Variants in MIPOL1 observed in about 807,000 individuals in gnomAD.
MIPOL1 encodes the protein mirror-image polydactyly gene 1 protein.
MIPOL1 carries 57 observed loss-of-function variants against 60.9 expected under a neutral mutation model. The observed-to-expected ratio is 0.94, with a 90% CI of 0.76 to 1.17. MIPOL1 has a LOEUF of 1.17. Among genes scored for constraint, MIPOL1 ranks in the 50% most tolerant of loss-of-function variants. The pLI, the probability that MIPOL1 is intolerant of heterozygous loss-of-function variation, is 0.00. For missense variants in MIPOL1, 551 were observed against 511.6 expected (o/e 1.08, Z -0.74); for synonymous variants, 179 against 168.8 (o/e 1.06, Z -0.47).
chr14:37,446,378 C>A (rs1481962249), intron 11 of MIPOL1, among the ~76,000 whole-genome samples: 1 of 152,090 alleles, frequency 6.6e-6, no homozygotes, highest in Non-Finnish European at 1.5e-5. Flanking sequence ...AGTGAGATAC[C>A]ATCTCACACC....
intron 6 of MIPOL1, 24 bp from the exon 7 acceptor site, chr14:37,285,294 T>C: frequency 6.2e-7 from 1 of 1,613,130 alleles, no homozygotes; most frequent in South Asian, 1.1e-5. Flanking sequence ...TATGATTGAT[T>C]GTGCGCTTTA....
At chr14:37,467,880 G>A (rs980958804) in intron 11 of MIPOL1, among the ~76,000 whole-genome samples, 1 of 151,492 alleles carries the variant, frequency 6.6e-6, no homozygotes, top group African/African-American at 2.4e-5. Flanking sequence ...ATGGTGAAAA[G>A]CCGTCTCTAC....
intron 9 of MIPOL1, among the ~76,000 whole-genome samples, chr14:37,363,928 G>T (rs1366859352): frequency 6.6e-6 from 1 of 152,204 alleles, no homozygotes; most frequent in Non-Finnish European, 1.5e-5. Flanking sequence ...GTGGGCATGT[G>T]ACCCCCCGAG....
At chr14:37,374,892 T>G (rs574554982) in intron 10 of MIPOL1, among the ~76,000 whole-genome samples, 1 of 152,354 alleles carries the variant, frequency 6.6e-6, no homozygotes, top group East Asian at 1.9e-4. Context: ...ATATGAAATT[T>G]AAAGTAGCTT....
intron 10 of MIPOL1, among the ~76,000 whole-genome samples, chr14:37,397,870 G>A (rs2093406293): frequency 6.6e-6 from 1 of 152,122 alleles, no homozygotes; most frequent in Non-Finnish European, 1.5e-5. Flanking sequence ...AGCAAGCCGG[G>A]CTTAAGAACT....
intron 11 of MIPOL1, among the ~76,000 whole-genome samples, chr14:37,427,211 G>T (rs1006555128): frequency 7.2e-5 from 11 of 152,270 alleles, no homozygotes; most frequent in Admixed American, 7.2e-4. Context: ...ACAGAGAATG[G>T]AACATTATCC....
intron 1 of MIPOL1, among the ~76,000 whole-genome samples, chr14:37,200,978 C>T (rs1363504288): frequency 6.8e-6 from 1 of 147,924 alleles, no homozygotes; most frequent in Non-Finnish European, 1.5e-5. Context: ...TCTCGGTTCA[C>T]TGCAGCCTCT....
intron 9 of MIPOL1, among the ~76,000 whole-genome samples, chr14:37,330,109 A>G (rs566950634): frequency 6.6e-6 from 1 of 152,176 alleles, no homozygotes; most frequent in Non-Finnish European, 1.5e-5. Context: ...CAGACCTTTT[A>G]TGTGGTAATT....
At chr14:37,513,824 T>G (rs2095348244) in intron 12 of MIPOL1, among the ~76,000 whole-genome samples, 1 of 152,172 alleles carries the variant, frequency 6.6e-6, no homozygotes, top group Non-Finnish European at 1.5e-5. Flanking sequence ...CTACTATATG[T>G]TTCTGCATAC....
chr14:37,474,838 G>A (rs1008678752), intron 11 of MIPOL1, among the ~76,000 whole-genome samples: 1 of 152,146 alleles, frequency 6.6e-6, no homozygotes, highest in Non-Finnish European at 1.5e-5. Context: ...TAGTGTGGTA[G>A]TATATCATTG....
chr14:37,220,167 G>T (rs964666284), intron 1 of MIPOL1, among the ~76,000 whole-genome samples: 36 of 152,000 alleles, frequency 2.4e-4, no homozygotes, highest in African/African-American at 8.7e-4. Context: ...ATAAGTGTTC[G>T]TCACATAATT....
chr14:37,534,172 T>A (rs2095495450), intron 12 of MIPOL1, among the ~76,000 whole-genome samples: 1 of 152,056 alleles, frequency 6.6e-6, no homozygotes. Context: ...GTTATCACAT[T>A]AAATAAATTC....
intron 9 of MIPOL1, among the ~76,000 whole-genome samples, chr14:37,365,983 A>G (rs1437481156): frequency 2.6e-5 from 4 of 152,010 alleles, no homozygotes; most frequent in Non-Finnish European, 5.9e-5. Context: ...AGATTTGTCA[A>G]TTTATTGGCA....
chr14:37,407,124 T>A (rs1407443358), intron 10 of MIPOL1, among the ~76,000 whole-genome samples: 1 of 152,064 alleles, frequency 6.6e-6, no homozygotes, highest in Non-Finnish European at 1.5e-5. Context: ...AAAATAAAAA[T>A]ATAGAGTTGT....
At chr14:37,308,668 T>G (rs1035810941) in intron 9 of MIPOL1, 149 bp downstream of exon 9, 5 of 443,068 alleles carry the variant, frequency 1.1e-5, no homozygotes, top group African/African-American at 2.0e-5. Context: ...TATATTAAAA[T>G]AATTATGTAT....
At chr14:37,313,681 G>A (rs1382857261) in intron 9 of MIPOL1, among the ~76,000 whole-genome samples, 2 of 152,120 alleles carry the variant, frequency 1.3e-5, no homozygotes, top group Non-Finnish European at 2.9e-5. Flanking sequence ...ATGTACATGC[G>A]TGTTTGGACT....
intron 10 of MIPOL1, among the ~76,000 whole-genome samples, chr14:37,372,443 A>G (rs1235026608): frequency 1.3e-5 from 2 of 152,064 alleles, no homozygotes; most frequent in Non-Finnish European, 2.9e-5. Flanking sequence ...TTTTTAACAT[A>G]GGAGGCAATT....
At chr14:37,413,067 A>G (rs2153540901) in intron 10 of MIPOL1, among the ~76,000 whole-genome samples, 1 of 152,200 alleles carries the variant, frequency 6.6e-6, no homozygotes, top group East Asian at 1.9e-4. Context: ...GTTCAATGCC[A>G]CATTGTGGAA....
chr14:37,266,021 G>A (rs2082848574), intron 3 of MIPOL1, among the ~76,000 whole-genome samples: 1 of 152,118 alleles, frequency 6.6e-6, no homozygotes, highest in Non-Finnish European at 1.5e-5. Flanking sequence ...AGTCTGGAGT[G>A]TGTCAGAAAT....
Sources: allele counts gnomAD v4.1 joint callset (sites outside exome capture counted in the v4.1 genomes callset), GRCh38; gene constraint gnomAD v4.1.1; transcripts MANE v1.5; gene names NCBI Gene and HGNC (gene_info 2026-07-23, HGNC 2026-07-21).